Variants in ARHGAP27 observed in about 807,000 individuals in gnomAD.
ARHGAP27 encodes the protein Rho GTPase activating protein 27.
A neutral mutation model predicts 102.0 loss-of-function variants in ARHGAP27; 53 were observed. The observed-to-expected ratio is 0.52, with a 90% CI of 0.42 to 0.65. The LOEUF (loss-of-function observed/expected upper bound fraction) is 0.65. ARHGAP27 is among the 30% of genes least tolerant of loss of function. The pLI is 0.00. For synonymous variants in ARHGAP27, 525 were observed against 542.8 expected, an observed-to-expected ratio of 0.97 and a Z score of 0.46; for missense variants, 1,117 against 1,256.2, an observed-to-expected ratio of 0.89 and a Z score of 1.68.
intron 4 of ARHGAP27, among the ~76,000 whole-genome samples, chr17:45,425,122 G>A (rs2049442022): frequency 6.6e-6 from 1 of 152,092 alleles, no homozygotes; most frequent in Non-Finnish European, 1.5e-5. Flanking sequence ...GGCAGGCAGA[G>A]GGGCTCCTGG....
In ARHGAP27 at chr17:45,430,889, C is replaced by A. The variant is rs1373402633; in HGVS notation, c.-18-592G>T. Among the ~76,000 whole-genome samples, 1 of 152,106 alleles carries A rather than the reference C, an allele frequency of 6.6e-6. No individual in the cohort carries two copies. Among genetic ancestry groups the A allele is most frequent in the Non-Finnish European group, 1.5e-5 (1 of 68,000 alleles). On this transcript the variant is annotated intron_variant, in intron 3 of 19. Transcript: ENST00000685559. This position sits in a 1 kb window ranked among gnomAD's most constrained non-coding sequence, Gnocchi z 4.4. ...CAGCTCTACCTGGGGGCTGTCGCTG[C>A]CCCCCTTAGTCCGAGGGCCTTGCTG...
At chr17:45,407,134 C>A (rs1234498694) in intron 4 of ARHGAP27, among the ~76,000 whole-genome samples, 2 of 152,102 alleles carry the variant, frequency 1.3e-5, no homozygotes. Context: ...AGAGACCGTC[C>A]CTCACCGGCC....
intron 4 of ARHGAP27, among the ~76,000 whole-genome samples, chr17:45,428,342 C>T (rs532415899): frequency 6.6e-6 from 1 of 152,374 alleles, no homozygotes; most frequent in South Asian, 2.1e-4. Flanking sequence ...TGCTGTCAAG[C>T]GCTTCGAAGC....
At chr17:45,396,611 G>A (rs1409404166) in intron 15 of ARHGAP27, 26 bp from the exon 16 acceptor site, 4 of 1,610,392 alleles carry the variant, frequency 2.5e-6, no homozygotes, top group East Asian at 2.2e-5. Context: ...ATCAGCTCCT[G>A]CCCAGCCTGC....
chr17:45,429,892 T>G lies in ARHGAP27; in HGVS notation c.388A>C (p.Thr130Pro). Residue 130 changes from threonine to proline, a missense_variant, in exon 4 of 20, where the codon ACC (threonine) becomes CCC (proline). Physicochemically the swap from Thr to Pro is conservative, Grantham distance 38. Transcript: ENST00000685559. ...CCGGGCGCCAGGCTGCTGCGCTGGG[T>G]CGCGGCGCCGCGTTGCGCAGGGCCG... Reference protein sequence around the residue: ...LCGPAQRGAATQRSSLAPGLP... With the variant: ...LCGPAQRGAAPQRSSLAPGLP... 8.4e-7 allele frequency: 1 copy of G among 1,185,490 alleles called. No individual in the cohort carries two copies. Among genetic ancestry groups the G allele is most frequent in the African/African-American group, 1.7e-5 (1 of 60,184 alleles). 73.4% of individuals were successfully genotyped at this position (1,185,490 alleles called of 1,614,324 possible). A position where few individuals can be genotyped will look rare whatever the true frequency, so the allele number is the denominator to read the frequency against.
intron 12 of ARHGAP27, 34 bp from the exon 13 acceptor site, chr17:45,398,081 T>G: frequency 6.4e-7 from 1 of 1,564,298 alleles, no homozygotes; most frequent in Non-Finnish European, 8.8e-7. Context: ...TCATCTCTGG[T>G]ACCCTGGGTC....
intron 4 of ARHGAP27, chr17:45,410,136 C>T: frequency 7.1e-7 from 1 of 1,399,754 alleles, no homozygotes; most frequent in Non-Finnish European, 9.5e-7. Flanking sequence ...CCCCAACTTC[C>T]AAGAGGCTCC....
intron 5 of ARHGAP27, 67 bp from the exon 6 acceptor site, chr17:45,405,173 T>C: frequency 6.7e-7 from 1 of 1,491,638 alleles, no homozygotes; most frequent in Non-Finnish European, 9.0e-7. Flanking sequence ...CCTGCCGTTT[T>C]GGACCAGGCC....
chr17:45,430,280 C>T lies in ARHGAP27; in HGVS notation c.-1G>A, dbSNP rs1354654575. ...CGTCCCCCACCACGTCCGCCGCCAT[C>T]GCAGCCGCGGCGTTTTCCTGCGGGC... On this transcript the variant is annotated 5_prime_UTR_variant, in exon 4 of 20. Coordinates refer to ENST00000685559, the MANE Select transcript of ARHGAP27 (RefSeq NM_001282290.2). This position sits in a 1 kb window ranked among gnomAD's most constrained non-coding sequence, Gnocchi z 4.4. The T allele has an allele frequency of 1.3e-6, 2 of 1,569,980 alleles. No individual in the cohort carries two copies. The highest frequency in any genetic ancestry group is 1.7e-6 in the Non-Finnish European group (2 of 1,166,482).
At chr17:45,425,666 C>T in intron 4 of ARHGAP27, 1 of 984,982 alleles carries the variant, frequency 1.0e-6, no homozygotes, top group Non-Finnish European at 1.2e-6. Context: ...TAAGAAGGTG[C>T]AGCAGCCCGG....
At chr17:45,410,221 G>A (rs2047745460) in intron 4 of ARHGAP27, 11 of 1,533,560 alleles carry the variant, frequency 7.2e-6, no homozygotes, top group Non-Finnish European at 8.7e-6. Context: ...CTTGACCCCA[G>A]CATCCCCTAC....
rs746890246 is a variant in ARHGAP27, at chr17:45,405,772, C to A, written c.969G>T (p.Thr323=). Residue 323 remains threonine (T), a synonymous_variant, in exon 5 of 20, where the codon ACG becomes ACT. Coordinates refer to ENST00000685559, the MANE Select transcript of ARHGAP27 (RefSeq NM_001282290.2). The part of the protein sequence containing the change: ...SRRVFFYNPL[T]GETAWEDEAE... ...CCTCGTCCTCCCAGGCCGTCTCGCC[C>A]GTCAGCGGGTTGTAGAAGAACACCC... is the stretch of plus-strand genomic sequence containing the variant. 6.3e-7 allele frequency: 1 copy of A among 1,578,298 alleles called. No homozygotes were observed. Among genetic ancestry groups the A allele is most frequent in the Non-Finnish European group, 8.6e-7 (1 of 1,168,550 alleles).
intron 4 of ARHGAP27, among the ~76,000 whole-genome samples, chr17:45,417,127 G>C (rs2048548133): frequency 6.7e-6 from 1 of 150,138 alleles, no homozygotes; most frequent in East Asian, 2.0e-4. Flanking sequence ...TTGCACTCCA[G>C]CCTAGGCAAC....
In ARHGAP27 at chr17:45,396,557, C is replaced by A. The variant is rs767380929; in HGVS notation, c.2103G>T (p.Ala701=). ...KDQVFGCALA[A]LCERERSRVP... Reference sequence around the variant, plus strand: ...CCCGGCTCCTCTCGCGCTCACACAGCGCGGCCAGCGCGCAGCCGAACACCT... The same window carrying A: ...CCCGGCTCCTCTCGCGCTCACACAGAGCGGCCAGCGCGCAGCCGAACACCT... The change falls in exon 16 of 20, where the codon GCG becomes GCT. Residue 701 remains alanine, a synonymous_variant. Coordinates refer to ENST00000685559, the MANE Select transcript of ARHGAP27 (RefSeq NM_001282290.2). 6.3e-7 allele frequency: 1 copy of A among 1,599,870 alleles called. No homozygotes were observed. The highest frequency in any genetic ancestry group is 8.5e-7 in the Non-Finnish European group (1 of 1,176,616).
At chr17:45,414,924 A>G (rs1328678527) in intron 4 of ARHGAP27, among the ~76,000 whole-genome samples, 2 of 143,152 alleles carry the variant, frequency 1.4e-5, no homozygotes, top group Non-Finnish European at 1.6e-5. Context: ...AAAAAAAAAA[A>G]TAGGCGTGGT....
intron 4 of ARHGAP27, among the ~76,000 whole-genome samples, chr17:45,414,092 C>T (rs1350418118): frequency 4.2e-5 from 6 of 142,374 alleles, no homozygotes; most frequent in African/African-American, 8.1e-5. Flanking sequence ...GGTGACAGAG[C>T]GAGACTCCAT....
intron 4 of ARHGAP27, among the ~76,000 whole-genome samples, chr17:45,422,153 G>A (rs1312254424): frequency 1.9e-4 from 29 of 151,720 alleles, no homozygotes; most frequent in Admixed American, 9.9e-4. Flanking sequence ...GTGACACAGC[G>A]AGACTCCATC....
rs1597765317 is a variant in ARHGAP27, at chr17:45,397,982, C to T, written c.1809G>A (p.Trp603Ter). ...QHDSEAIIST[W>*]HKAIAQGIQE... ...GGATGCCCTGAGCAATGGCCTTATG[C>T]CAGGTGCTGATGATGGCCTCCGAGT... The change falls in exon 13 of 20, where the codon TGG becomes TGA. Residue 603 changes from tryptophan to a stop codon, truncating the protein, a stop_gained. Transcript: ENST00000685559. LOFTEE classifies it high-confidence loss of function. The T allele has an allele frequency of 1.2e-6, 2 of 1,610,786 alleles. No individual in the cohort carries two copies. The highest frequency in any genetic ancestry group is 2.2e-5 in the South Asian group (2 of 90,900).
chr17:45,396,742 AC>A lies in ARHGAP27; in HGVS notation c.1999del (p.Val667SerfsTer105). On this transcript the variant is annotated frameshift_variant, in exon 15 of 20. Coordinates refer to ENST00000685559, the MANE Select transcript of ARHGAP27 (RefSeq NM_001282290.2). LOFTEE classifies it high-confidence loss of function. The stretch of plus-strand genomic sequence containing the variant: ...GAGGAACTTGCGGAGCTTGTGCCGG[AC>A]CTTGCTCAAGTCGCTCTCCAGGCCC... ...PVGLESDLSK[V>X]RHKLRKFLQR... The A allele has an allele frequency of 6.2e-7, 1 of 1,613,738 alleles. No homozygotes were observed. The highest frequency in any genetic ancestry group is 8.5e-7 in the Non-Finnish European group (1 of 1,179,760).
Sources: gnomAD v4.1 joint callset for allele counts (sites outside exome capture counted in the v4.1 genomes callset) on GRCh38, gnomAD v4.1.1 for gene constraint, Gnocchi (gnomAD v3.1) non-coding constraint, MANE v1.5 for transcripts, NCBI Gene and HGNC (gene_info 2026-07-23, HGNC 2026-07-21) for gene names.